STRN: variants seen among roughly 807,000 people sequenced by gnomAD.
The protein encoded by STRN is striatin.
In STRN, 53 loss-of-function variants were observed where a neutral mutation model predicts 96.3. The observed-to-expected ratio is 0.55, with a 90% confidence interval of 0.44 to 0.69. STRN has a LOEUF of 0.69. Among genes scored for constraint, STRN ranks in the 30% least tolerant of loss-of-function variants. The pLI, the probability that STRN is intolerant of heterozygous loss-of-function variation, is 0.00. For synonymous variants in STRN, 428 were observed against 355.9 expected, an observed-to-expected ratio of 1.20 and a Z score of -2.28; for missense variants, 987 against 963.9, an observed-to-expected ratio of 1.02 and a Z score of -0.32.
Position 36,896,183 on chromosome 2 carries a change from C to T in STRN, c.796-2150G>A, listed in dbSNP as rs141513885. On this transcript the variant is annotated intron_variant, in intron 6 of 17. Coordinates refer to ENST00000263918, the MANE Select transcript of STRN (RefSeq NM_003162.4). ...AAGAAGCATGTGGAACCTCAAATTC[C>T]AAGTATGAATATATTTTCAACATTA... Among the ~76,000 whole-genome samples the T allele has an allele frequency of 4.7e-3, 716 of 152,166 alleles. 10 individuals carry two copies. Among genetic ancestry groups the T allele is most frequent in the African/African-American group, 0.017 (688 of 41,496 alleles).
intron 3 of STRN, among the ~76,000 whole-genome samples, chr2:36,909,665 C>G (rs1669914631): frequency 6.6e-6 from 1 of 151,948 alleles, no homozygotes; most frequent in Non-Finnish European, 1.5e-5. Flanking sequence ...AAACTATAAA[C>G]CCATAGATCC....
At chr2:36,903,662 T>A (rs759076954) in intron 4 of STRN, among the ~76,000 whole-genome samples, 59 of 152,216 alleles carry the variant, frequency 3.9e-4, no homozygotes, top group Non-Finnish European at 7.6e-4. Context: ...AAGTTCAGTT[T>A]ATTAACAAGA....
intron 10 of STRN, among the ~76,000 whole-genome samples, chr2:36,876,776 C>T (rs1668924107): frequency 6.8e-6 from 1 of 147,946 alleles, no homozygotes; most frequent in Non-Finnish European, 1.5e-5. Context: ...GAGGCGGAGT[C>T]TTGCTCTGTC....
At chr2:36,909,217 A>G (rs545056410) in intron 3 of STRN, among the ~76,000 whole-genome samples, 4 of 151,950 alleles carry the variant, frequency 2.6e-5, no homozygotes, top group Admixed American at 1.3e-4. Flanking sequence ...AATAGCTCTT[A>G]TATTTCCTTA....
intron 9 of STRN, 34 bp from the exon 10 acceptor site, chr2:36,878,061 T>A: frequency 6.2e-7 from 1 of 1,609,674 alleles, no homozygotes; most frequent in Non-Finnish European, 8.5e-7. Context: ...CATTAAAAAA[T>A]CTCTAAGGAG....
At position 36,893,974 on chromosome 2, in the gene STRN, T is replaced by C; in HGVS notation, c.855A>G (p.Leu285=). The stretch of plus-strand genomic sequence containing the variant: ...ATGTAACCAAGAAGTCAAACTCCTT[T>C]AGAGCTTCTTTTGTATCTCGATCTT... ...SGEDRDTKEA[L]KEFDFLVTSE... is the part of the protein sequence containing the mutation. The change falls in exon 7 of 18, where the codon CTA becomes CTG. Residue 285 remains leucine, a synonymous_variant. Coordinates refer to ENST00000263918, the MANE Select transcript of STRN (RefSeq NM_003162.4). The C allele has an allele frequency of 5.6e-6, 9 of 1,613,706 alleles. No homozygotes were observed. Among genetic ancestry groups the C allele is most frequent in the South Asian group, 2.2e-5 (2 of 91,014 alleles).
intron 1 of STRN, among the ~76,000 whole-genome samples, chr2:36,958,922 C>G (rs898860205): frequency 1.3e-5 from 2 of 152,122 alleles, no homozygotes; most frequent in Non-Finnish European, 2.9e-5. Context: ...AGAGACCATC[C>G]TAGCTGACAC....
In STRN at chr2:36,847,558, TTTAA is replaced by T. The variant is rs1572617569; in HGVS notation, c.*1894_*1897del. 6.6e-6 allele frequency: 1 copy of T among 152,178 alleles called. No homozygotes were observed. Among genetic ancestry groups the T allele is most frequent in the African/African-American group, 2.4e-5 (1 of 41,446 alleles). 9.4% of individuals were successfully genotyped at this position (152,178 alleles called of 1,614,324 possible). ...GACAGCTCATGTTTAGGTCAATTCA[TTTAA>T]TTACACAAAGCAGTCTCTTGAGCCT... On this transcript the variant is annotated 3_prime_UTR_variant, in exon 18 of 18. Coordinates refer to ENST00000263918, the MANE Select transcript of STRN (RefSeq NM_003162.4).
At chr2:36,930,809 G>C (rs1670554577) in intron 1 of STRN, among the ~76,000 whole-genome samples, 2 of 152,060 alleles carry the variant, frequency 1.3e-5, no homozygotes, top group African/African-American at 4.8e-5. Flanking sequence ...GAGACGGGTG[G>C]ATCACTTGAG....
chr2:36,925,264 T>G (rs894722856), intron 1 of STRN, 56 bp from the exon 2 acceptor site: 19 of 1,251,368 alleles, frequency 1.5e-5, no homozygotes, highest in Non-Finnish European at 2.2e-5. Context: ...AAAGTTTTTT[T>G]AACTCAGTAA....
At chr2:36,940,999 A>G (rs1558662462) in intron 1 of STRN, among the ~76,000 whole-genome samples, 2 of 152,134 alleles carry the variant, frequency 1.3e-5, no homozygotes, top group Admixed American at 1.3e-4. Flanking sequence ...CAAAAAATAC[A>G]AAAATTAGCT....
chr2:36,855,865 A>C (rs1668331706), intron 14 of STRN, among the ~76,000 whole-genome samples: 1 of 152,228 alleles, frequency 6.6e-6, no homozygotes, highest in Non-Finnish European at 1.5e-5. Context: ...AGAATACAGA[A>C]GGTATTTTTA....
chr2:36,892,700 A>G (rs1669431843), intron 7 of STRN, among the ~76,000 whole-genome samples: 1 of 152,182 alleles, frequency 6.6e-6, no homozygotes. Context: ...TTCTGGGAAG[A>G]ACATAATATA....
At chr2:36,923,061 G>A (rs1670303841) in intron 2 of STRN, among the ~76,000 whole-genome samples, 1 of 151,422 alleles carries the variant, frequency 6.6e-6, no homozygotes, top group South Asian at 2.1e-4. Context: ...AGAATTGCTT[G>A]AACCCAGGAG....
intron 12 of STRN, among the ~76,000 whole-genome samples, chr2:36,863,400 C>A (rs1668543622): frequency 6.6e-6 from 1 of 152,138 alleles, no homozygotes; most frequent in African/African-American, 2.4e-5. Flanking sequence ...TATGGCTAGC[C>A]ATTTATCCCA....
intron 3 of STRN, among the ~76,000 whole-genome samples, chr2:36,911,033 A>G (rs919765149): frequency 2.6e-5 from 4 of 152,194 alleles, no homozygotes; most frequent in East Asian, 1.9e-4. Context: ...ATAAAAGAAC[A>G]AAGAATGCAA....
intron 16 of STRN, 38 bp from the exon 17 acceptor site, chr2:36,849,838 T>C: frequency 6.3e-7 from 1 of 1,587,870 alleles, no homozygotes; most frequent in Non-Finnish European, 8.6e-7. Context: ...ATTAATGCCT[T>C]TCCTCATCTT....
At chr2:36,858,058 AAAAC>A (rs1404154312) in intron 13 of STRN, 35 bp from the exon 14 acceptor site, 1 of 1,521,402 alleles carries the variant, frequency 6.6e-7, no homozygotes, top group East Asian at 2.4e-5. Context: ...AATCAGGAGA[AAAAC>A]AACCACAAAG....
rs562005958 is a variant in STRN at position 36,842,597 on chromosome 2, C to G, written c.*6859G>C. ...GTAGGTTATTGCAGACTTTGCTCAC[C>G]CAAATAATGACTTCCAATCTAACTG... On this transcript the variant is annotated 3_prime_UTR_variant, in exon 18 of 18. Coordinates refer to ENST00000263918, the MANE Select transcript of STRN (RefSeq NM_003162.4). 4 of 152,140 alleles carry G rather than the reference C, an allele frequency of 2.6e-5. No homozygotes were observed. The South Asian group carries it at 8.3e-4, about 32-fold the overall frequency. The allele number at this position is 152,140 out of a possible 1,614,324, so 9.4% of individuals were successfully genotyped here.
Sources: gnomAD v4.1 joint callset for allele counts (sites outside exome capture counted in the v4.1 genomes callset) on GRCh38, gnomAD v4.1.1 for gene constraint, MANE v1.5 for transcripts, NCBI Gene and HGNC (gene_info 2026-07-23, HGNC 2026-07-21) for gene names.